RNF150: variants seen among roughly 807,000 people sequenced by gnomAD.
RNF150 encodes the protein ring finger protein 150.
Under a neutral mutation model 39.3 loss-of-function variants are expected in RNF150, and 24 were observed. That is an observed-to-expected ratio of 0.61 (90% CI 0.44 to 0.86). The LOEUF (loss-of-function observed/expected upper bound fraction) is 0.86, where lower values mean the gene tolerates loss of function less well. Among genes scored for constraint, RNF150 ranks in the 40% least tolerant of loss-of-function variants. The pLI is 0.00. For missense variants in RNF150, 502 were observed against 587.8 expected, an observed-to-expected ratio of 0.85 and a Z score of 1.51; for synonymous variants, 255 against 227.3, an observed-to-expected ratio of 1.12 and a Z score of -1.10.
intron 6 of RNF150, among the ~76,000 whole-genome samples, chr4:140,908,678 C>T (rs1007522810): frequency 6.6e-6 from 1 of 152,054 alleles, no homozygotes; most frequent in African/African-American, 2.4e-5. Context: ...CTGTTTTATG[C>T]AAAAACAGTT....
At chr4:141,092,331 A>G (rs1738614262) in intron 1 of RNF150, among the ~76,000 whole-genome samples, 1 of 143,446 alleles carries the variant, frequency 7.0e-6, no homozygotes, top group East Asian at 2.0e-4. Flanking sequence ...CAACAGAGCA[A>G]GACTCCCTGT....
At chr4:140,941,039 G>A (rs779904750) in intron 4 of RNF150, among the ~76,000 whole-genome samples, 1 of 152,088 alleles carries the variant, frequency 6.6e-6, no homozygotes, top group Non-Finnish European at 1.5e-5. Flanking sequence ...GAAGATTCAA[G>A]TATCCAAAAA....
At chr4:141,143,364 G>GT (rs796088937) in intron 1 of RNF150, among the ~76,000 whole-genome samples, 1 of 152,178 alleles carries the variant, frequency 6.6e-6, no homozygotes, top group Non-Finnish European at 1.5e-5. Flanking sequence ...CCAGCTAAGA[G>GT]TTTTTTATTC....
intron 1 of RNF150, among the ~76,000 whole-genome samples, chr4:141,050,164 T>A (rs2110887260): frequency 6.6e-6 from 1 of 152,212 alleles, no homozygotes; most frequent in Admixed American, 6.5e-5. Flanking sequence ...TACTTATAAG[T>A]TTGAAACAAA....
chr4:141,185,304 G>A (rs983710422), intron 1 of RNF150, among the ~76,000 whole-genome samples: 3 of 152,098 alleles, frequency 2.0e-5, no homozygotes, highest in African/African-American at 7.2e-5. Context: ...GTGAATGGAA[G>A]TTCACTCATG....
chr4:141,133,001 C>T lies in RNF150; in HGVS notation c.-193G>A, dbSNP rs914507102. 1.9e-5 allele frequency: 10 copies of T among 531,782 alleles called. No individual in the cohort carries two copies. Among genetic ancestry groups the T allele is most frequent in the African/African-American group, 8.2e-5 (4 of 48,714 alleles). The allele number at this position is 531,782 out of a possible 1,614,324, so 32.9% of individuals were successfully genotyped here. ...GGCGAGCGGATGGCGCTGGCCCCTT[C>T]CCCTCTCAGCTGTAGCGCGGTGGTT... On this transcript the variant is annotated 5_prime_UTR_variant, in exon 1 of 7. Coordinates refer to ENST00000515673, the MANE Select transcript of RNF150 (RefSeq NM_020724.2).
Position 140,930,344 on chromosome 4 carries a change from A to G in RNF150, c.891-4271T>C, listed in dbSNP as rs140279798. 4.3e-4 allele frequency among the ~76,000 whole-genome samples: 65 copies of G among 152,268 alleles called. No individual in the cohort carries two copies. In the East Asian group the frequency reaches 8.9e-3, roughly 21 times the overall value. On this transcript the variant is annotated intron_variant, in intron 4 of 6. Coordinates refer to ENST00000515673, the MANE Select transcript of RNF150 (RefSeq NM_020724.2). ...TTCCTTGAAATCTCCACCTGTATCT[A>G]TATCTCCATTTCTATATATCTCCTG...
chr4:140,950,616 G>C (rs1431274317), intron 2 of RNF150, among the ~76,000 whole-genome samples: 1 of 152,118 alleles, frequency 6.6e-6, no homozygotes, highest in Non-Finnish European at 1.5e-5. Flanking sequence ...CAATCAGCCA[G>C]TCAGCCAACC....
chr4:141,135,497 G>A (rs1430538876), upstream of RNF150, among the ~76,000 whole-genome samples: 1 of 152,218 alleles, frequency 6.6e-6, no homozygotes, highest in Non-Finnish European at 1.5e-5. Flanking sequence ...ATCTGGGACA[G>A]TCTGAACATA....
At chr4:141,048,876 C>T (rs1274436345) in intron 1 of RNF150, among the ~76,000 whole-genome samples, 1 of 152,154 alleles carries the variant, frequency 6.6e-6, no homozygotes, top group Non-Finnish European at 1.5e-5. Context: ...CTTAGGTATA[C>T]CAAGATGATT....
At chr4:140,899,077 G>T (rs758466553) in intron 6 of RNF150, among the ~76,000 whole-genome samples, 2 of 152,106 alleles carry the variant, frequency 1.3e-5, no homozygotes, top group Non-Finnish European at 2.9e-5. Context: ...TTCCCTGTAT[G>T]ATTTTACTAA....
chr4:140,999,308 C>G (rs983803647), intron 1 of RNF150, among the ~76,000 whole-genome samples: 1 of 152,300 alleles, frequency 6.6e-6, no homozygotes, highest in Non-Finnish European at 1.5e-5. Flanking sequence ...ATGAGCAGAT[C>G]CAGCACTTGA....
rs376088502 is a variant in RNF150, at chr4:141,078,652, C to T, written c.484+53673G>A. On this transcript the variant is annotated intron_variant, in intron 1 of 6. Transcript: ENST00000515673. ...AACAAAAAAAAAAATTAGCCGGGCG[C>T]GGTGGCAGGCACCTGTAGTCCCAGC... Among the ~76,000 whole-genome samples, 304 of 150,640 alleles carry T rather than the reference C, an allele frequency of 2.0e-3. 1 individual carries two copies. The highest frequency in any genetic ancestry group is 3.4e-3 in the Middle Eastern group (1 of 294).
intron 6 of RNF150, among the ~76,000 whole-genome samples, chr4:140,894,316 T>C (rs558709737): frequency 6.6e-6 from 1 of 152,372 alleles, no homozygotes; most frequent in Non-Finnish European, 1.5e-5. Flanking sequence ...CCAGATTAAC[T>C]TCTGATGAGG....
At chr4:140,884,287 A>AT (rs1282954900) in intron 6 of RNF150, among the ~76,000 whole-genome samples, 3 of 151,920 alleles carry the variant, frequency 2.0e-5, no homozygotes, top group Non-Finnish European at 2.9e-5. Flanking sequence ...ATATATCTCC[A>AT]TTTTTTAGGG....
At chr4:141,053,278 G>T (rs1159018159) in intron 1 of RNF150, among the ~76,000 whole-genome samples, 1 of 151,986 alleles carries the variant, frequency 6.6e-6, no homozygotes, top group Non-Finnish European at 1.5e-5. Context: ...GGAAAAGGAA[G>T]GTACAAGGTA....
At chr4:140,901,770 A>G (rs1465378998) in intron 6 of RNF150, among the ~76,000 whole-genome samples, 4 of 152,236 alleles carry the variant, frequency 2.6e-5, no homozygotes, top group African/African-American at 9.6e-5. Flanking sequence ...GAAAGTAGAT[A>G]ATTGTAAAAG....
intron 1 of RNF150, among the ~76,000 whole-genome samples, chr4:141,065,890 A>G (rs973672602): frequency 1.3e-5 from 2 of 152,038 alleles, no homozygotes; most frequent in Non-Finnish European, 2.9e-5. Flanking sequence ...CAGCATATCT[A>G]TCTCTATTTT....
chr4:140,923,301 G>A (rs1462411071), intron 5 of RNF150, among the ~76,000 whole-genome samples: 1 of 152,126 alleles, frequency 6.6e-6, no homozygotes, highest in Non-Finnish European at 1.5e-5. Flanking sequence ...CCATCAAAAA[G>A]TGGGCAAAGG....
Sources: allele counts gnomAD v4.1 joint callset (sites outside exome capture counted in the v4.1 genomes callset), GRCh38; gene constraint gnomAD v4.1.1; transcripts MANE v1.5; gene names NCBI Gene and HGNC (gene_info 2026-07-23, HGNC 2026-07-21).